The following RXRA variants were observed in gnomAD, a reference collection of about 807,000 sequenced individuals.
RXRA encodes retinoid X receptor alpha.
A neutral mutation model predicts 44.5 loss-of-function variants in RXRA; 5 were observed. The observed-to-expected ratio is 0.11, with a 90% CI of 0.06 to 0.24. RXRA has a LOEUF of 0.24. Among genes scored for constraint, RXRA ranks in the 10% least tolerant of loss-of-function variants. The pLI, the probability that RXRA is intolerant of heterozygous loss-of-function variation, is 1.00. For synonymous variants in RXRA, 291 were observed against 271.4 expected, an observed-to-expected ratio of 1.07 and a Z score of -0.71; for missense variants, 412 against 646.5, an observed-to-expected ratio of 0.64 and a Z score of 3.93.
chr9:134,328,158 GCACACACACATC>G (rs1457004273), intron 1 of RXRA, among the ~76,000 whole-genome samples: 5 of 152,146 alleles, frequency 3.3e-5, no homozygotes, highest in African/African-American at 1.2e-4. Flanking sequence ...TCACACATGT[GCACACACACATC>G]CACACACACA....
intron 1 of RXRA, among the ~76,000 whole-genome samples, chr9:134,336,668 C>T (rs1001127078): frequency 4.6e-5 from 7 of 152,142 alleles, no homozygotes; most frequent in African/African-American, 1.4e-4. Context: ...TCTCATGGCT[C>T]GGAGCTGGCT....
intron 1 of RXRA, among the ~76,000 whole-genome samples, chr9:134,333,752 G>A (rs1835044595): frequency 6.6e-6 from 1 of 152,204 alleles, no homozygotes; most frequent in South Asian, 2.1e-4. Context: ...ACTGGCCCTG[G>A]GCAGAGGTCA....
intron 1 of RXRA, among the ~76,000 whole-genome samples, chr9:134,391,763 G>C (rs968149350): frequency 8.5e-5 from 13 of 152,348 alleles, no homozygotes; most frequent in Middle Eastern, 3.4e-3. Flanking sequence ...TGGCCACCCT[G>C]GTGGTCGAGG....
chr9:134,342,642 C>A lies in RXRA; in HGVS notation c.28+15983C>A, dbSNP rs1318674312. 6.6e-6 allele frequency among the ~76,000 whole-genome samples: 1 copy of A among 152,112 alleles called. No homozygotes were observed. Among genetic ancestry groups the A allele is most frequent in the Admixed American group, 6.5e-5 (1 of 15,276 alleles). ...CCAGGCAGGTGGTGGGGCTGCGGGG[C>A]TGCGGGAGGAGGCCCCTGTGGTTCC... On this transcript the variant is annotated intron_variant, in intron 1 of 9. Transcript: ENST00000481739. The surrounding 1 kb of genome is among the most constrained non-coding windows in gnomAD (Gnocchi z 4.4).
chr9:134,391,428 A>C (rs1390697118), intron 1 of RXRA, among the ~76,000 whole-genome samples: 2 of 152,128 alleles, frequency 1.3e-5, no homozygotes, highest in African/African-American at 4.8e-5. Flanking sequence ...AAAATGAAAC[A>C]AGAATCATTT....
chr9:134,422,012 A>ACC, intron 6 of RXRA: 1 of 1,408,156 alleles, frequency 7.1e-7, no homozygotes, highest in Non-Finnish European at 9.3e-7. Context: ...CCTTCCCGGA[A>ACC]CACACTCCCC....
intron 1 of RXRA, among the ~76,000 whole-genome samples, chr9:134,386,002 G>A (rs1830714465): frequency 6.6e-6 from 1 of 152,276 alleles, no homozygotes; most frequent in Admixed American, 6.5e-5. Context: ...CGGGGTCCTT[G>A]TCCTCTTCCA....
intron 1 of RXRA, among the ~76,000 whole-genome samples, chr9:134,345,197 G>A (rs1830135426): frequency 6.6e-6 from 1 of 152,218 alleles, no homozygotes; most frequent in Non-Finnish European, 1.5e-5. Context: ...GGGCTTCAGG[G>A]TCCCCACCGG....
At chr9:134,368,906 G>GT (rs1158021052) in intron 1 of RXRA, among the ~76,000 whole-genome samples, 4 of 142,516 alleles carry the variant, frequency 2.8e-5, no homozygotes, top group East Asian at 2.2e-4. Flanking sequence ...ATGTGTGTGT[G>GT]GGGGTTGTGT....
intron 6 of RXRA, chr9:134,422,344 C>A (rs1176851912): frequency 7.8e-7 from 1 of 1,279,164 alleles, no homozygotes; most frequent in Non-Finnish European, 1.0e-6. Flanking sequence ...ACACTACCCC[C>A]TCCCGGGACA....
intron 1 of RXRA, among the ~76,000 whole-genome samples, chr9:134,374,497 C>T (rs1201807763): frequency 6.6e-6 from 1 of 152,214 alleles, no homozygotes; most frequent in Non-Finnish European, 1.5e-5. Context: ...GGCTCTCGGC[C>T]CAGGGCCACT....
At chr9:134,356,472 A>G (rs1234373197) in intron 1 of RXRA, among the ~76,000 whole-genome samples, 1 of 152,020 alleles carries the variant, frequency 6.6e-6, no homozygotes, top group African/African-American at 2.4e-5. Flanking sequence ...TGCTCCTGCA[A>G]TGCCCACCAG....
chr9:134,339,885 TTGTGTGAGCCTGTGTGTGTCTG>T (rs1281506077), intron 1 of RXRA, among the ~76,000 whole-genome samples: 1 of 146,570 alleles, frequency 6.8e-6, no homozygotes. Context: ...ATCCATGCCC[TTGTGTGAGCCTGTGTGTGTCTG>T]TGTGTGAACC....
At chr9:134,386,140 C>T (rs958422441) in intron 1 of RXRA, among the ~76,000 whole-genome samples, 4 of 152,360 alleles carry the variant, frequency 2.6e-5, no homozygotes, top group Admixed American at 2.0e-4. Flanking sequence ...CACTTGCTTG[C>T]GACCAGCTCC....
rs550449367 is a variant in RXRA, at chr9:134,365,891, G to A, written c.29-35741G>A. 1.3e-5 allele frequency among the ~76,000 whole-genome samples: 2 copies of A among 152,212 alleles called. No individual in the cohort carries two copies. The highest frequency in any genetic ancestry group is 1.3e-4 in the Admixed American group (2 of 15,300). On this transcript the variant is annotated intron_variant, in intron 1 of 9. Transcript: ENST00000481739. The surrounding 1 kb of genome is among the most constrained non-coding windows in gnomAD (Gnocchi z 4.0). The stretch of plus-strand genomic sequence containing the variant: ...TGTCTTGGGGAGGGTTCCTGGGCTG[G>A]GATTGGCCGTCGGGGAGGTGCACAC...
intron 6 of RXRA, chr9:134,425,965 G>A (rs1831428299): frequency 1.0e-6 from 1 of 985,418 alleles, no homozygotes; most frequent in Non-Finnish European, 1.2e-6. Flanking sequence ...CGAGGCCCCA[G>A]CTTCCCCACC....
chr9:134,362,139 G>A (rs534238849), intron 1 of RXRA, among the ~76,000 whole-genome samples: 9 of 152,196 alleles, frequency 5.9e-5, no homozygotes, highest in Admixed American at 5.2e-4. Context: ...CCTTCTGTGC[G>A]GGTTGGGAGG....
intron 1 of RXRA, among the ~76,000 whole-genome samples, chr9:134,340,454 G>A (rs781906710): frequency 2.6e-5 from 4 of 152,184 alleles, no homozygotes; most frequent in Non-Finnish European, 5.9e-5. Context: ...AGTGAGGGCC[G>A]AGGGGCTTTA....
intron 1 of RXRA, among the ~76,000 whole-genome samples, chr9:134,387,533 G>A (rs942927769): frequency 8.5e-5 from 13 of 152,254 alleles, no homozygotes; most frequent in African/African-American, 2.4e-4. Context: ...TCAGCACTGC[G>A]TGGGCATTGA....
Sources: gnomAD v4.1 joint callset for allele counts (sites outside exome capture counted in the v4.1 genomes callset) on GRCh38, gnomAD v4.1.1 for gene constraint, Gnocchi (gnomAD v3.1) non-coding constraint, MANE v1.5 for transcripts, NCBI Gene and HGNC (gene_info 2026-07-23, HGNC 2026-07-21) for gene names.